The following LYRM4 variants were observed in gnomAD, a reference collection of about 807,000 sequenced individuals.
LYRM4 encodes LYR motif containing 4.
LYRM4 carries 9 observed loss-of-function variants against 11.7 expected under a neutral mutation model. The ratio of observed to expected loss-of-function variants is 0.77; its 90% CI spans 0.46 to 1.34. The LOEUF is 1.34. Among genes scored for constraint, LYRM4 ranks in the 40% most tolerant of loss-of-function variants. The pLI, the probability that LYRM4 is intolerant of heterozygous loss-of-function variation, is 0.00. For synonymous variants in LYRM4, 42 were observed against 40.4 expected, an observed-to-expected ratio of 1.04 and a Z score of -0.15; for missense variants, 133 against 112.5, an observed-to-expected ratio of 1.18 and a Z score of -0.82.
chr6:5,260,618 G>GC (rs1012013938), intron 1 of LYRM4, 30 bp downstream of exon 1: 2 of 677,718 alleles, frequency 3.0e-6, no homozygotes, highest in South Asian at 2.2e-5. Flanking sequence ...CTGGCCCCCC[G>GC]CCCCCGGCCC....
chr6:5,254,890 T>C (rs1273048051), intron 1 of LYRM4, among the ~76,000 whole-genome samples: 1 of 152,106 alleles, frequency 6.6e-6, no homozygotes, highest in Non-Finnish European at 1.5e-5. Flanking sequence ...AAAATTCCGG[T>C]GGGAGGTGGA....
chr6:5,146,630 T>C (rs1212108312), intron 2 of LYRM4, among the ~76,000 whole-genome samples: 3 of 152,154 alleles, frequency 2.0e-5, no homozygotes, highest in African/African-American at 4.8e-5. Context: ...GCATCAATCT[T>C]GCTTGACGTT....
chr6:5,158,363 C>T (rs420392), intron 2 of LYRM4, among the ~76,000 whole-genome samples: 2 of 152,052 alleles, frequency 1.3e-5, no homozygotes, highest in East Asian at 1.9e-4. Flanking sequence ...TCACAAACCA[C>T]GATTAATGAT....
downstream of LYRM4, among the ~76,000 whole-genome samples, chr6:5,102,047 C>G (rs187751085): frequency 4.4e-4 from 63 of 142,360 alleles, 1 homozygote; most frequent in Non-Finnish European, 8.1e-4. Flanking sequence ...CTTGCTTCGT[C>G]CTTCCAAAGT....
chr6:5,165,183 A>G lies in LYRM4; in HGVS notation c.207+51435T>C, dbSNP rs924186941. Among the ~76,000 whole-genome samples, 8 of 152,200 alleles carry G rather than the reference A, an allele frequency of 5.3e-5. No homozygotes were observed. The South Asian group carries it at 1.7e-3, about 31-fold the overall frequency. On this transcript the variant is annotated intron_variant, in intron 2 of 2. Coordinates refer to ENST00000330636, the MANE Select transcript of LYRM4 (RefSeq NM_020408.6). ...AATGGAGAAATAAAAGTTACACCAT[A>G]TTCCCAGTTTCAATCAGTTTGCCTT...
intron 2 of LYRM4, chr6:5,136,878 A>C (rs1327158343): frequency 2.1e-6 from 2 of 957,494 alleles, no homozygotes; most frequent in Non-Finnish European, 2.5e-6. Context: ...TATCCAATTA[A>C]AGTGTACAAT....
At chr6:5,237,290 G>A (rs1194033531) in intron 1 of LYRM4, among the ~76,000 whole-genome samples, 2 of 151,968 alleles carry the variant, frequency 1.3e-5, no homozygotes, top group Admixed American at 1.3e-4. Context: ...TCTCATAGGA[G>A]CACAAACCCT....
chr6:5,220,068 T>C (rs574580786), intron 1 of LYRM4, among the ~76,000 whole-genome samples: 1 of 152,306 alleles, frequency 6.6e-6, no homozygotes, highest in South Asian at 2.1e-4. Flanking sequence ...GCTTTCCTTC[T>C]CCACCCCAGC....
At chr6:5,129,283 A>T (rs1763836944) in intron 2 of LYRM4, among the ~76,000 whole-genome samples, 1 of 152,186 alleles carries the variant, frequency 6.6e-6, no homozygotes, top group Admixed American at 6.5e-5. Flanking sequence ...ATTACCCCCA[A>T]ACAGGTGGCT....
At chr6:5,066,178 G>T in the LYRM4 span, 3 of 668,690 alleles carry the variant, frequency 4.5e-6, no homozygotes, top group South Asian at 4.2e-5. Flanking sequence ...ATCAAATGAC[G>T]ACCAAGCCTC....
At chr6:5,120,350 A>T (rs1406532115) in intron 2 of LYRM4, among the ~76,000 whole-genome samples, 1 of 152,156 alleles carries the variant, frequency 6.6e-6, no homozygotes, top group Non-Finnish European at 1.5e-5. Context: ...AGGTCTGTGC[A>T]CGGGAGCCAC....
intron 1 of LYRM4, among the ~76,000 whole-genome samples, chr6:5,246,103 A>G (rs1336130605): frequency 1.3e-5 from 2 of 152,240 alleles, no homozygotes; most frequent in East Asian, 3.9e-4. Context: ...GAGTTGACCT[A>G]TAAGTTGAAT....
chr6:5,089,028 A>G, the LYRM4 span: 5 of 152,342 alleles, frequency 3.3e-5, no homozygotes, highest in African/African-American at 7.2e-5. Context: ...CCCTTTGACT[A>G]TGGCAGTGTT....
chr6:5,127,035 C>T (rs1019894998), intron 2 of LYRM4, among the ~76,000 whole-genome samples: 1 of 152,162 alleles, frequency 6.6e-6, no homozygotes. Context: ...CTGCAACCTC[C>T]GCCTTCCGGG....
the LYRM4 span, among the ~76,000 whole-genome samples, chr6:5,082,031 C>T: frequency 1.3e-5 from 2 of 152,212 alleles, no homozygotes; most frequent in Non-Finnish European, 2.9e-5. Flanking sequence ...TGTCTTCTAT[C>T]TCTTCCCTTT....
intron 1 of LYRM4, among the ~76,000 whole-genome samples, chr6:5,252,059 C>G (rs761017277): frequency 6.6e-6 from 1 of 152,160 alleles, no homozygotes; most frequent in African/African-American, 2.4e-5. Context: ...ACATAGTAAG[C>G]GAGACCTGAC....
the LYRM4 span, among the ~76,000 whole-genome samples, chr6:5,037,354 GGCAGAAGAATTTTTCTTAGTA>G: frequency 4.7e-5 from 1 of 21,160 alleles, no homozygotes. Flanking sequence ...AGGATCCCAA[GGCAGAAGAATTTTTCTTAGTA>G]CAGAACAAAA....
At chr6:5,163,442 C>G (rs1170128696) in intron 2 of LYRM4, among the ~76,000 whole-genome samples, 1 of 152,050 alleles carries the variant, frequency 6.6e-6, no homozygotes, top group Non-Finnish European at 1.5e-5. Flanking sequence ...CGCCACACTC[C>G]CTTCATTACC....
the LYRM4 span, chr6:5,087,967 ACTGTTGCTTGATAGAACAGGG>A: frequency 2.0e-5 from 3 of 152,080 alleles, no homozygotes; most frequent in African/African-American, 7.2e-5. Flanking sequence ...GGACAGTTTC[ACTGTTGCTTGATAGAACAGGG>A]CTGGGCATAC....
Sources: gnomAD v4.1 joint callset for allele counts (sites outside exome capture counted in the v4.1 genomes callset) on GRCh38, gnomAD v4.1.1 for gene constraint, MANE v1.5 for transcripts, NCBI Gene and HGNC (gene_info 2026-07-23, HGNC 2026-07-21) for gene names.